The following STK32A variants were observed in gnomAD, a reference collection of about 807,000 sequenced individuals.
STK32A encodes serine/threonine kinase 32A.
A neutral mutation model predicts 53.2 loss-of-function variants in STK32A; 41 were observed. The ratio of observed to expected loss-of-function variants is 0.77; its 90% CI spans 0.60 to 1.00. STK32A has a LOEUF of 1.00. Among genes scored for constraint, STK32A ranks in the 50% least tolerant of loss-of-function variants. The pLI is 0.00. For missense variants in STK32A, 458 were observed against 485.8 expected (o/e 0.94, Z 0.54); for synonymous variants, 166 against 162.8 (o/e 1.02, Z -0.15).
intron 2 of STK32A, among the ~76,000 whole-genome samples, chr5:147,248,096 G>A (rs900444992): frequency 1.3e-5 from 2 of 148,468 alleles, no homozygotes; most frequent in African/African-American, 5.0e-5. Flanking sequence ...ACTCCAGCCG[G>A]GGCAACAAGA....
chr5:147,321,488 A>G (rs773306422), intron 4 of STK32A, among the ~76,000 whole-genome samples: 13 of 152,186 alleles, frequency 8.5e-5, no homozygotes, highest in Non-Finnish European at 1.5e-4. Context: ...ATACATTTAT[A>G]TTTCTACTGG....
intron 2 of STK32A, among the ~76,000 whole-genome samples, chr5:147,249,932 A>AAAAAAAAC (rs1753913518): frequency 6.6e-6 from 1 of 150,482 alleles, no homozygotes; most frequent in Non-Finnish European, 1.5e-5. Flanking sequence ...AAAAAAAAAA[A>AAAAAAAAC]GTGGCCTCAT....
At position 147,324,081 on chromosome 5, in the gene STK32A, G is replaced by A. The variant is rs749388908; in HGVS notation, c.434+10G>A. The A allele has an allele frequency of 3.1e-6, 5 of 1,592,830 alleles. No homozygotes were observed. In the South Asian group the frequency reaches 3.4e-5, roughly 11 times the overall value. ...AGCGCATCATTCACAGGTCAGTCAA[G>A]TCCAAGGAGATGGCCATGAACGTAA... is the stretch of plus-strand genomic sequence containing the variant. On this transcript the variant is annotated intron_variant, in intron 5 of 12. Transcript: ENST00000397936.
intron 6 of STK32A, among the ~76,000 whole-genome samples, chr5:147,346,083 A>T (rs1755672049): frequency 6.6e-6 from 1 of 152,190 alleles, no homozygotes; most frequent in Non-Finnish European, 1.5e-5. Flanking sequence ...TTACTCAAGG[A>T]ACATAATTAA....
intron 11 of STK32A, among the ~76,000 whole-genome samples, chr5:147,379,480 T>C (rs1020689985): frequency 1.3e-5 from 2 of 152,098 alleles, no homozygotes; most frequent in East Asian, 3.9e-4. Flanking sequence ...AGTAAATTAG[T>C]GCATGTAAAG....
intron 2 of STK32A, among the ~76,000 whole-genome samples, chr5:147,250,286 C>A (rs1178607796): frequency 1.3e-5 from 2 of 152,142 alleles, no homozygotes; most frequent in Admixed American, 6.5e-5. Context: ...GAGTATCCAG[C>A]AATGAGTGGA....
chr5:147,306,768 A>T (rs867300878), intron 4 of STK32A, among the ~76,000 whole-genome samples: 1 of 152,134 alleles, frequency 6.6e-6, no homozygotes, highest in Non-Finnish European at 1.5e-5. Context: ...AAATATTTCT[A>T]AGGAAAGGGA....
chr5:147,359,621 A>G (rs978692537), intron 7 of STK32A, among the ~76,000 whole-genome samples: 2 of 152,028 alleles, frequency 1.3e-5, no homozygotes, highest in Admixed American at 1.3e-4. Context: ...TCACCTGGGG[A>G]CTATCTGATA....
At chr5:147,348,326 C>G (rs1173974312) in intron 6 of STK32A, among the ~76,000 whole-genome samples, 1 of 152,222 alleles carries the variant, frequency 6.6e-6, no homozygotes, top group Non-Finnish European at 1.5e-5. Context: ...TTGAGATGTT[C>G]TGCTAAGCCA....
At position 147,375,106 on chromosome 5, in the gene STK32A, G is replaced by C; in HGVS notation, c.920G>C (p.Cys307Ser). 6.2e-7 allele frequency: 1 copy of C among 1,605,708 alleles called. No homozygotes were observed. The highest frequency in any genetic ancestry group is 8.5e-7 in the Non-Finnish European group (1 of 1,177,120). The change falls in exon 11 of 13, where the codon TGT becomes TCT. Residue 307 changes from cysteine to serine, a missense_variant. By Grantham distance (112) the Cys-to-Ser change is moderately radical. Coordinates refer to ENST00000397936, the MANE Select transcript of STK32A (RefSeq NM_001112724.2). ...TCCTTGCAGAAAGGCAGGCTGAATTGTGATCCTACCTTTGAACTTGAGGAA... is the reference window on the plus strand; with the variant it reads ...TCCTTGCAGAAAGGCAGGCTGAATTCTGATCCTACCTTTGAACTTGAGGAA... ...GFIPNKGRLN[C>S]DPTFELEEMI...
At chr5:147,271,959 C>T (rs7730862) in intron 2 of STK32A, among the ~76,000 whole-genome samples, 89,369 of 151,858 alleles carry the variant, frequency 0.59, 26,668 homozygotes, top group African/African-American at 0.67. Context: ...ACACCCTATT[C>T]GTACACTCCC....
intron 2 of STK32A, among the ~76,000 whole-genome samples, chr5:147,260,991 C>T (rs1389692715): frequency 2.0e-5 from 3 of 152,174 alleles, no homozygotes; most frequent in South Asian, 2.1e-4. Flanking sequence ...GAGTCGTTGC[C>T]GCAGTATGTG....
intron 4 of STK32A, among the ~76,000 whole-genome samples, chr5:147,297,163 A>G (rs760839617): frequency 2.7e-4 from 41 of 152,192 alleles, no homozygotes; most frequent in Non-Finnish European, 5.6e-4. Flanking sequence ...CACAAGATCC[A>G]GAACCAAAGA....
At chr5:147,317,271 A>C (rs1754042430) in intron 4 of STK32A, among the ~76,000 whole-genome samples, 1 of 151,608 alleles carries the variant, frequency 6.6e-6, no homozygotes, top group Non-Finnish European at 1.5e-5. Flanking sequence ...GGCAAAGTCC[A>C]GACTGTGAAA....
intron 8 of STK32A, among the ~76,000 whole-genome samples, chr5:147,362,245 A>G (rs1452745316): frequency 6.6e-6 from 1 of 152,260 alleles, no homozygotes; most frequent in African/African-American, 2.4e-5. Flanking sequence ...TCTGCTTACC[A>G]TAATAAAATA....
intron 2 of STK32A, among the ~76,000 whole-genome samples, chr5:147,255,955 TTC>T (rs1203403810): frequency 9.2e-5 from 14 of 152,328 alleles, no homozygotes; most frequent in Admixed American, 9.2e-4. Flanking sequence ...CATAAGGGGC[TTC>T]TCTCGCTTTA....
At chr5:147,313,895 A>G (rs1470940625) in intron 4 of STK32A, among the ~76,000 whole-genome samples, 1 of 152,204 alleles carries the variant, frequency 6.6e-6, no homozygotes, top group African/African-American at 2.4e-5. Flanking sequence ...TTGGAACCCT[A>G]CCTCACACCA....
chr5:147,358,627 C>T (rs1756362065), intron 7 of STK32A, among the ~76,000 whole-genome samples: 1 of 152,076 alleles, frequency 6.6e-6, no homozygotes, highest in Non-Finnish European at 1.5e-5. Flanking sequence ...TTGGATAAAT[C>T]TTATACACAT....
chr5:147,363,260 A>G (rs1193518717), intron 8 of STK32A, among the ~76,000 whole-genome samples: 2 of 151,950 alleles, frequency 1.3e-5, no homozygotes, highest in African/African-American at 4.8e-5. Context: ...ATCAAAGCAA[A>G]TTCTATTATA....
Sources: gnomAD v4.1 joint callset for allele counts (sites outside exome capture counted in the v4.1 genomes callset) on GRCh38, gnomAD v4.1.1 for gene constraint, MANE v1.5 for transcripts, NCBI Gene and HGNC (gene_info 2026-07-23, HGNC 2026-07-21) for gene names.